OFD1: variants seen among roughly 807,000 people sequenced by gnomAD.
The protein encoded by OFD1 is OFD1 centriole and centriolar satellite protein.
Under a neutral mutation model 81.4 loss-of-function variants are expected in OFD1, and 12 were observed. The ratio of observed to expected loss-of-function variants is 0.15; its 90% CI spans 0.09 to 0.24. The LOEUF is 0.24. Ranked by LOEUF, OFD1 falls within the 10% of genes least tolerant of loss-of-function variation. OFD1 has a pLI of 1.00. For missense variants in OFD1, 685 were observed against 733.9 expected, an observed-to-expected ratio of 0.93 and a Z score of 0.77; for synonymous variants, 256 against 263.7, an observed-to-expected ratio of 0.97 and a Z score of 0.28.
chrX:13,736,085 A>G, intron 2 of OFD1: 1 of 765,993 alleles, frequency 1.3e-6, no homozygotes, highest in Non-Finnish European at 1.6e-6. Context: ...GTTGTTGAAT[A>G]TTTTGGTTAT....
At chrX:13,736,957 T>A (rs754515090) in intron 3 of OFD1, among the ~76,000 whole-genome samples, 1 of 112,679 alleles carries the variant, frequency 8.9e-6, no homozygotes, top group East Asian at 2.8e-4. Context: ...ATCCTCTATC[T>A]TGTCTAATAA....
At chrX:13,770,845 T>C (rs966858371), downstream of OFD1, among the ~76,000 whole-genome samples, 2 of 112,450 alleles carry the variant, frequency 1.8e-5, no homozygotes, top group African/African-American at 3.2e-5. Flanking sequence ...TTGATTTCCA[T>C]ACCAATGTGA....
the OFD1 span, among the ~76,000 whole-genome samples, chrX:13,723,036 A>G: frequency 9.7e-6 from 1 of 103,332 alleles, no homozygotes. Context: ...CGGAGCTTGC[A>G]GTGAGCCAAG....
In OFD1 at chrX:13,738,931, TCTGTAATCTAC is replaced by T; in HGVS notation, c.381+18_381+28del. On this transcript the variant is annotated intron_variant, in intron 4 of 22. Transcript: ENST00000340096. ...AAATCACTGGTAAGATGGCTTAGTTTCTGTAATCTACTTTGGTTTGTTAATTATAACTGAAT... is the reference window on the plus strand; with the variant it reads ...AAATCACTGGTAAGATGGCTTAGTTTTTTGGTTTGTTAATTATAACTGAAT... 5.1e-6 allele frequency: 6 copies of T among 1,178,704 alleles called. No individual in the cohort carries two copies. Among genetic ancestry groups the T allele is most frequent in the Non-Finnish European group, 6.9e-6 (6 of 865,997 alleles).
intron 20 of OFD1, chrX:13,767,809 A>G: frequency 2.9e-6 from 1 of 339,895 alleles, no homozygotes. Context: ...TAACATATGA[A>G]TGTTCCTTGG....
At chrX:13,749,996 A>G (rs2047442758) in intron 9 of OFD1, among the ~76,000 whole-genome samples, 2 of 112,403 alleles carry the variant, frequency 1.8e-5, no homozygotes, top group South Asian at 7.3e-4. Context: ...CTAAGTGCTC[A>G]CAAATGTTTC....
intron 8 of OFD1, among the ~76,000 whole-genome samples, chrX:13,747,663 T>G (rs1235861759): frequency 9.0e-6 from 1 of 111,240 alleles, no homozygotes; most frequent in Non-Finnish European, 1.9e-5. Flanking sequence ...GATAGACTGG[T>G]AGGTGGAAGA....
intron 9 of OFD1, among the ~76,000 whole-genome samples, chrX:13,750,038 A>T (rs762196495): frequency 5.5e-4 from 62 of 112,371 alleles, no homozygotes; most frequent in African/African-American, 1.7e-3. Context: ...ATTGATGGCA[A>T]GTTCACCTGT....
chrX:13,772,737 G>T, downstream of OFD1: 1 of 460,484 alleles, frequency 2.2e-6, no homozygotes, highest in Non-Finnish European at 3.5e-6. Flanking sequence ...TTTTCCTAGA[G>T]ATACATCCCA....
downstream of OFD1, among the ~76,000 whole-genome samples, chrX:13,770,617 AT>A (rs1187110831): frequency 2.7e-5 from 3 of 112,130 alleles, no homozygotes; most frequent in Non-Finnish European, 3.8e-5. Context: ...ACATGCCCTT[AT>A]TTTGTTTCTG....
intron 10 of OFD1, chrX:13,752,784 C>T (rs969505497): frequency 3.2e-5 from 31 of 969,485 alleles, no homozygotes; most frequent in South Asian, 2.4e-4. Flanking sequence ...GGAGGCTCTT[C>T]GCCACAGGAG....
At chrX:13,734,398 C>T (rs1027242727), upstream of OFD1, 26 of 277,920 alleles carry the variant, frequency 9.4e-5, no homozygotes, top group Admixed American at 1.5e-3. Flanking sequence ...GGAGGGCTGG[C>T]AGGTCCGGCC....
At chrX:13,715,806 G>A in the OFD1 span, 11 of 951,954 alleles carry the variant, frequency 1.2e-5, no homozygotes, top group South Asian at 3.1e-4. Context: ...TAACTACCAT[G>A]AAGTTGTGTT....
intron 16 of OFD1, 111 bp from the exon 17 acceptor site, chrX:13,760,974 T>C: frequency 2.0e-6 from 2 of 986,087 alleles, no homozygotes; most frequent in Non-Finnish European, 2.9e-6. Flanking sequence ...TAATTGGCTA[T>C]TTGTGAGGAT....
downstream of OFD1, chrX:13,770,913 G>T (rs1323693489): frequency 8.9e-6 from 1 of 112,379 alleles, no homozygotes; most frequent in Non-Finnish European, 1.9e-5. Flanking sequence ...AAGAAAGATA[G>T]GATTTATGTA....
chrX:13,769,358 C>G, downstream of OFD1: 1 of 358,053 alleles, frequency 2.8e-6, no homozygotes, highest in African/African-American at 2.6e-5. Flanking sequence ...TTTTAACCTC[C>G]TTATTTTTGT....
In OFD1 at chrX:13,744,266, C is replaced by T. The variant is rs1028455470; in HGVS notation, c.413-149C>T. ...CATGATTACACCACTGCACTCCAGCCTGGGTGACAGAGCAAGACTTTTGTC... is the reference window on the plus strand; with the variant it reads ...CATGATTACACCACTGCACTCCAGCTTGGGTGACAGAGCAAGACTTTTGTC... On this transcript the variant is annotated intron_variant, in intron 5 of 22. Coordinates refer to ENST00000340096, the MANE Select transcript of OFD1 (RefSeq NM_003611.3). The T allele has an allele frequency of 1.2e-4, 50 of 427,948 alleles. No homozygotes were observed. In the Admixed American group the frequency reaches 1.7e-3, roughly 14 times the overall value. 35.3% of individuals were successfully genotyped at this position (427,948 alleles called of 1,213,427 possible).
At chrX:13,764,304 A>C (rs921130221) in intron 19 of OFD1, among the ~76,000 whole-genome samples, 1 of 112,613 alleles carries the variant, frequency 8.9e-6, no homozygotes, top group African/African-American at 3.2e-5. Context: ...TTATTTTTCT[A>C]TCTACTTGTT....
At chrX:13,734,104 C>A (rs1341030173), upstream of OFD1, 2 of 513,391 alleles carry the variant, frequency 3.9e-6, no homozygotes, top group East Asian at 7.2e-5. Flanking sequence ...GGATCTCAAC[C>A]CGGAGCGATC....
Sources: allele counts gnomAD v4.1 joint callset (sites outside exome capture counted in the v4.1 genomes callset), GRCh38; gene constraint gnomAD v4.1.1; transcripts MANE v1.5; gene names NCBI Gene and HGNC (gene_info 2026-07-23, HGNC 2026-07-21).